Variants in CLPB observed in about 807,000 individuals in gnomAD.
CLPB encodes ClpB family mitochondrial disaggregase.
CLPB carries 40 observed loss-of-function variants against 78.4 expected under a neutral mutation model. The ratio of observed to expected loss-of-function variants is 0.51; its 90% confidence interval spans 0.40 to 0.66. The LOEUF is 0.66. Ranked by LOEUF, CLPB falls within the 30% of genes least tolerant of loss-of-function variation. The pLI, the probability that CLPB is intolerant of heterozygous loss-of-function variation, is 0.00. For synonymous variants in CLPB, 333 were observed against 348.0 expected (o/e 0.96, Z 0.48); for missense variants, 780 against 886.9 (o/e 0.88, Z 1.53).
intron 6 of CLPB, among the ~76,000 whole-genome samples, chr11:72,321,911 A>C (rs577355972): frequency 2.1e-4 from 31 of 151,150 alleles, no homozygotes; most frequent in African/African-American, 6.6e-4. Flanking sequence ...ATGGTATGAC[A>C]TAGAGGCCTG....
intron 9 of CLPB, among the ~76,000 whole-genome samples, chr11:72,305,490 C>A (rs967553620): frequency 6.6e-6 from 1 of 152,162 alleles, no homozygotes; most frequent in Admixed American, 6.5e-5. Context: ...TCACCATAAC[C>A]TAAGATATGG....
At chr11:72,373,612 C>A (rs1222446251) in intron 4 of CLPB, among the ~76,000 whole-genome samples, 1 of 152,136 alleles carries the variant, frequency 6.6e-6, no homozygotes, top group Non-Finnish European at 1.5e-5. Flanking sequence ...TTTTCCCCAT[C>A]CTCTTCATCC....
chr11:72,326,181 T>C (rs557967817), intron 6 of CLPB, among the ~76,000 whole-genome samples: 1 of 152,304 alleles, frequency 6.6e-6, no homozygotes, highest in South Asian at 2.1e-4. Context: ...AAAAACAGTA[T>C]ATATCATTGT....
intron 1 of CLPB, 107 bp downstream of exon 1, chr11:72,433,965 T>A: frequency 7.2e-7 from 1 of 1,381,842 alleles, no homozygotes; most frequent in Non-Finnish European, 9.9e-7. Flanking sequence ...CCTCCAAGAC[T>A]TAGGCTCTAA....
intron 7 of CLPB, among the ~76,000 whole-genome samples, chr11:72,311,241 C>T (rs1009356165): frequency 2.0e-5 from 3 of 152,030 alleles, no homozygotes; most frequent in Non-Finnish European, 2.9e-5. Context: ...AGGCTATGGG[C>T]CTTGAGGATC....
intron 2 of CLPB, among the ~76,000 whole-genome samples, chr11:72,419,262 G>A (rs181854721): frequency 3.3e-5 from 5 of 152,342 alleles, no homozygotes; most frequent in Admixed American, 2.6e-4. Context: ...GGATTTTAGA[G>A]GAGAGATAGC....
intron 5 of CLPB, chr11:72,352,325 C>G (rs575539329): frequency 2.2e-4 from 33 of 152,350 alleles, no homozygotes; most frequent in African/African-American, 4.6e-4. Context: ...TCCTCTAAAT[C>G]TTAATGATTT....
intron 2 of CLPB, among the ~76,000 whole-genome samples, chr11:72,406,768 C>A (rs1855721681): frequency 6.6e-6 from 1 of 152,234 alleles, no homozygotes; most frequent in Non-Finnish European, 1.5e-5. Context: ...CTGTGCCCAG[C>A]CTCTTGCTGG....
At chr11:72,368,055 G>T (rs1233747406) in intron 4 of CLPB, among the ~76,000 whole-genome samples, 1 of 152,076 alleles carries the variant, frequency 6.6e-6, no homozygotes, top group Non-Finnish European at 1.5e-5. Context: ...ATTCATTATT[G>T]TACCCTTTCC....
intron 6 of CLPB, among the ~76,000 whole-genome samples, chr11:72,327,924 T>A (rs1249697225): frequency 6.6e-6 from 1 of 152,154 alleles, no homozygotes; most frequent in Admixed American, 6.5e-5. Context: ...CCCTTCCTAA[T>A]TCCTTCCCTT....
At chr11:72,370,133 G>A (rs1951017094) in intron 4 of CLPB, among the ~76,000 whole-genome samples, 1 of 152,042 alleles carries the variant, frequency 6.6e-6, no homozygotes, top group Non-Finnish European at 1.5e-5. Flanking sequence ...TGGTGTGTGG[G>A]ACCCGTCCCT....
chr11:72,302,146 C>G (rs1018010759), intron 10 of CLPB, 158 bp downstream of exon 10: 3 of 968,930 alleles, frequency 3.1e-6, no homozygotes, highest in African/African-American at 3.2e-5. Context: ...CAGAGCAAAT[C>G]CTATGTGAAA....
At chr11:72,427,171 G>A (rs1856408719) in intron 2 of CLPB, among the ~76,000 whole-genome samples, 1 of 152,056 alleles carries the variant, frequency 6.6e-6, no homozygotes, top group African/African-American at 2.4e-5. Flanking sequence ...TAAAGAGGAG[G>A]ATCGAATACC....
chr11:72,395,476 C>G (rs1433011765), intron 3 of CLPB, among the ~76,000 whole-genome samples: 3 of 152,212 alleles, frequency 2.0e-5, no homozygotes, highest in Non-Finnish European at 4.4e-5. Flanking sequence ...CCTTGGACAA[C>G]TCTGAGCTTC....
At chr11:72,418,722 G>C (rs1416981269) in intron 2 of CLPB, among the ~76,000 whole-genome samples, 2 of 152,054 alleles carry the variant, frequency 1.3e-5, no homozygotes, top group African/African-American at 2.4e-5. Flanking sequence ...GGGTGTGGTG[G>C]CACACACCTG....
rs147309288 is a variant in CLPB at position 72,400,421 on chromosome 11, TAA to T, written c.542+2543_542+2544del. On this transcript the variant is annotated intron_variant, in intron 3 of 15. Coordinates refer to ENST00000538039, the MANE Select transcript of CLPB (RefSeq NM_001258392.3). ...TCACTGATTTGCTAACAGCTCTGGATAAAGACAGAGCAATCAGTTAAGCCAAC... is the reference window on the plus strand; with the variant it reads ...TCACTGATTTGCTAACAGCTCTGGATAGACAGAGCAATCAGTTAAGCCAAC... Among the ~76,000 whole-genome samples the T allele has an allele frequency of 1.1e-4, 16 of 152,332 alleles. No individual in the cohort carries two copies. In the East Asian group the frequency reaches 3.1e-3, roughly 29 times the overall value.
chr11:72,294,790 C>G, intron 12 of CLPB, 97 bp from the exon 13 acceptor site: 3 of 1,000,498 alleles, frequency 3.0e-6, no homozygotes, highest in Non-Finnish European at 4.8e-6. Flanking sequence ...AGCCCTGGTC[C>G]TGTCCATCTG....
At chr11:72,301,613 C>T (rs751363068) in intron 11 of CLPB, among the ~76,000 whole-genome samples, 190 bp downstream of exon 11, 1 of 152,218 alleles carries the variant, frequency 6.6e-6, no homozygotes. Context: ...GGCTGGTCTT[C>T]GCTTGAGTGC....
intron 11 of CLPB, among the ~76,000 whole-genome samples, chr11:72,300,083 G>C (rs1276271694): frequency 6.6e-6 from 1 of 152,108 alleles, no homozygotes; most frequent in Non-Finnish European, 1.5e-5. Flanking sequence ...TCGCTCTTTT[G>C]GCCCTAGCTG....
Sources: gnomAD v4.1 joint callset for allele counts (sites outside exome capture counted in the v4.1 genomes callset) on GRCh38, gnomAD v4.1.1 for gene constraint, MANE v1.5 for transcripts, NCBI Gene and HGNC (gene_info 2026-07-23, HGNC 2026-07-21) for gene names.